Variants in DSTN observed in about 807,000 individuals in gnomAD.
DSTN encodes the protein destrin.
Under a neutral mutation model 16.8 loss-of-function variants are expected in DSTN, and 10 were observed. The ratio of observed to expected loss-of-function variants is 0.60; its 90% CI spans 0.37 to 1.01. The LOEUF (loss-of-function observed/expected upper bound fraction) is 1.01, where lower values mean the gene tolerates loss of function less well. Ranked by LOEUF, DSTN falls within the 50% of genes least tolerant of loss-of-function variation. The probability of loss-of-function intolerance (pLI) is 0.01; values close to 1 mark genes in which losing one functional copy is unlikely to be tolerated. For synonymous variants in DSTN, 57 were observed against 58.9 expected (o/e 0.97, Z 0.14); for missense variants, 141 against 196.7 (o/e 0.72, Z 1.69).
intron 1 of DSTN, among the ~76,000 whole-genome samples, chr20:17,584,475 C>A (rs1227438858): frequency 6.6e-6 from 1 of 151,868 alleles, no homozygotes. Context: ...CATGGAGAAA[C>A]CCCATCTCTA....
intron 3 of DSTN, among the ~76,000 whole-genome samples, chr20:17,605,647 C>G (rs910095070): frequency 6.6e-6 from 1 of 152,194 alleles, no homozygotes; most frequent in African/African-American, 2.4e-5. Flanking sequence ...TGGCAACCCC[C>G]AGAAGTGTGT....
intron 2 of DSTN, among the ~76,000 whole-genome samples, chr20:17,604,297 A>C (rs1196458455): frequency 6.6e-6 from 1 of 152,166 alleles, no homozygotes; most frequent in Non-Finnish European, 1.5e-5. Context: ...TCTGATTTTT[A>C]ATTGGTGATT....
rs1381579539 is a variant in DSTN at position 17,598,678 on chromosome 20, C to A, written c.4-2060C>A. Among the ~76,000 whole-genome samples the A allele has an allele frequency of 6.6e-5, 10 of 151,938 alleles. 1 individual carries two copies. On this transcript the variant is annotated intron_variant, in intron 1 of 3. Transcript: ENST00000246069. ...CTTCATCTTATATGCATTTTTATTT[C>A]TTAAATGATTTGACATTTGGGTATC...
At chr20:17,575,818 G>A (rs1029846963) in intron 1 of DSTN, among the ~76,000 whole-genome samples, 4 of 152,192 alleles carry the variant, frequency 2.6e-5, no homozygotes, top group Non-Finnish European at 5.9e-5. Flanking sequence ...ATGAGCCACT[G>A]CGCCCAGCCG....
At chr20:17,601,410 A>G (rs1323003694) in intron 2 of DSTN, among the ~76,000 whole-genome samples, 2 of 152,140 alleles carry the variant, frequency 1.3e-5, no homozygotes, top group Non-Finnish European at 2.9e-5. Flanking sequence ...CCAGCCTTCT[A>G]TCTACTCTTT....
At position 17,607,192 on chromosome 20, in the gene DSTN, C is replaced by G. The variant is rs779646888; in HGVS notation, c.*46C>G. 20 of 1,562,278 alleles carry G rather than the reference C, an allele frequency of 1.3e-5. No individual in the cohort carries two copies. The Admixed American group carries it at 3.5e-4, about 27-fold the overall frequency. ...GAAAGCTTCCATGTTTAATGTTATC[C>G]TCTTGCTATATAAATAAAGCAAATA... On this transcript the variant is annotated 3_prime_UTR_variant, in exon 4 of 4. Transcript: ENST00000246069.
At chr20:17,593,511 G>A (rs1161511323) in intron 1 of DSTN, among the ~76,000 whole-genome samples, 4 of 152,126 alleles carry the variant, frequency 2.6e-5, no homozygotes, top group Non-Finnish European at 5.9e-5. Context: ...GGTAGGAGGT[G>A]GTGTGTGGTG....
intron 2 of DSTN, among the ~76,000 whole-genome samples, chr20:17,604,233 T>C (rs888472893): frequency 1.3e-5 from 2 of 152,212 alleles, no homozygotes; most frequent in African/African-American, 4.8e-5. Flanking sequence ...AGAAAAAGAA[T>C]TGGGTTATAC....
chr20:17,597,590 A>C (rs1480571873), intron 1 of DSTN, among the ~76,000 whole-genome samples: 1 of 152,120 alleles, frequency 6.6e-6, no homozygotes, highest in Non-Finnish European at 1.5e-5. Flanking sequence ...CCCATTAATT[A>C]ATTCCTCATC....
At chr20:17,583,443 TTCA>T (rs2035368267) in intron 1 of DSTN, among the ~76,000 whole-genome samples, 1 of 152,180 alleles carries the variant, frequency 6.6e-6, no homozygotes, top group Non-Finnish European at 1.5e-5. Context: ...TAACCCAGTG[TTCA>T]TCAGTTGATG....
intron 1 of DSTN, among the ~76,000 whole-genome samples, chr20:17,579,697 C>G (rs1600700654): frequency 1.3e-5 from 2 of 152,218 alleles, no homozygotes; most frequent in Admixed American, 1.3e-4. Context: ...TTATTACTTG[C>G]TATCCAAGTG....
intron 1 of DSTN, 45 bp from the exon 2 acceptor site, chr20:17,600,674 TATTATTTTATGTTTGGCAC>T: frequency 6.8e-7 from 1 of 1,460,720 alleles, no homozygotes. Context: ...AAGCAGAATT[TATTATTTTATGTTTGGCAC>T]AATAAAAATT....
chr20:17,572,756 C>A (rs1281028316), intron 1 of DSTN, among the ~76,000 whole-genome samples: 1 of 152,190 alleles, frequency 6.6e-6, no homozygotes, highest in Non-Finnish European at 1.5e-5. Flanking sequence ...TGAGACAAAT[C>A]ACCTTTTCCA....
chr20:17,583,316 A>G, intron 1 of DSTN, among the ~76,000 whole-genome samples: 1 of 20,600 alleles, frequency 4.9e-5, no homozygotes, highest in African/African-American at 2.1e-4. Context: ...GAGCTACCGT[A>G]TGACTCAGCA....
Position 17,575,928 on chromosome 20 carries a change from A to G in DSTN, c.3+5717A>G, listed in dbSNP as rs111337851. ...GATTTACACCTAACACTTCAGCAATATTGTAACCACAACTTTTCTTCTGTT... is the reference window on the plus strand; with the variant it reads ...GATTTACACCTAACACTTCAGCAATGTTGTAACCACAACTTTTCTTCTGTT... On this transcript the variant is annotated intron_variant, in intron 1 of 3. Coordinates refer to ENST00000246069, the MANE Select transcript of DSTN (RefSeq NM_006870.4). 2.7e-3 allele frequency among the ~76,000 whole-genome samples: 404 copies of G among 152,324 alleles called. 2 individuals carry two copies. The highest frequency in any genetic ancestry group is 8.8e-3 in the African/African-American group (366 of 41,562).
intron 1 of DSTN, among the ~76,000 whole-genome samples, chr20:17,587,735 C>T (rs1042479559): frequency 6.6e-6 from 1 of 151,890 alleles, no homozygotes; most frequent in African/African-American, 2.4e-5. Context: ...CAGCAGGCAT[C>T]AATCAAGCTA....
At chr20:17,604,823 G>A (rs2035624264) in intron 3 of DSTN, among the ~76,000 whole-genome samples, 192 bp downstream of exon 3, 1 of 152,164 alleles carries the variant, frequency 6.6e-6, no homozygotes, top group African/African-American at 2.4e-5. Context: ...GTTGCTCTGG[G>A]TCTGCCCAGC....
intron 1 of DSTN, among the ~76,000 whole-genome samples, chr20:17,581,042 G>C (rs1329390838): frequency 6.6e-6 from 1 of 152,210 alleles, no homozygotes; most frequent in Non-Finnish European, 1.5e-5. Flanking sequence ...TCAAAGGTGA[G>C]GAATTTGAAT....
At chr20:17,578,424 A>C (rs2035303506) in intron 1 of DSTN, among the ~76,000 whole-genome samples, 2 of 152,200 alleles carry the variant, frequency 1.3e-5, no homozygotes, top group African/African-American at 4.8e-5. Flanking sequence ...TAAGTATTGA[A>C]TTAATTGAAT....
Sources: gnomAD v4.1 joint callset for allele counts (sites outside exome capture counted in the v4.1 genomes callset) on GRCh38, gnomAD v4.1.1 for gene constraint, MANE v1.5 for transcripts, NCBI Gene and HGNC (gene_info 2026-07-23, HGNC 2026-07-21) for gene names.